Variants in PIAS2 observed in about 807,000 individuals in gnomAD.
The protein encoded by PIAS2 is E3 SUMO-protein ligase PIAS2.
In PIAS2, 19 loss-of-function variants were observed where a neutral mutation model predicts 69.7. The observed-to-expected ratio is 0.27, with a 90% confidence interval of 0.19 to 0.40. PIAS2 has a LOEUF of 0.40. Among genes scored for constraint, PIAS2 ranks in the 10% least tolerant of loss-of-function variants. The probability of loss-of-function intolerance (pLI) is 1.00; values close to 1 mark genes in which losing one functional copy is unlikely to be tolerated. For missense variants in PIAS2, 624 were observed against 757.0 expected (o/e 0.82, Z 2.06); for synonymous variants, 261 against 263.2 (o/e 0.99, Z 0.08).
intron 2 of PIAS2, among the ~76,000 whole-genome samples, chr18:46,864,977 A>C (rs1422085638): frequency 6.6e-6 from 1 of 152,156 alleles, no homozygotes; most frequent in Non-Finnish European, 1.5e-5. Flanking sequence ...AAACACTCAT[A>C]TAAGAAAATT....
At chr18:46,831,405 C>T (rs1362096787) in intron 9 of PIAS2, among the ~76,000 whole-genome samples, 1 of 152,102 alleles carries the variant, frequency 6.6e-6, no homozygotes, top group Non-Finnish European at 1.5e-5. Context: ...TCAGAAGACT[C>T]AATACTCTTA....
intron 10 of PIAS2, among the ~76,000 whole-genome samples, chr18:46,828,932 T>G (rs2043193699): frequency 6.6e-6 from 1 of 152,224 alleles, no homozygotes; most frequent in Non-Finnish European, 1.5e-5. Flanking sequence ...CCTTGGTCAC[T>G]GCACTCAGGT....
chr18:46,917,662 C>T (rs1365691862), upstream of PIAS2: 13 of 641,224 alleles, frequency 2.0e-5, no homozygotes, highest in Middle Eastern at 1.5e-3. Context: ...GCGGCTTGGC[C>T]CCGCTCGGCC....
intron 8 of PIAS2, among the ~76,000 whole-genome samples, chr18:46,843,401 C>T (rs1193499389): frequency 1.3e-5 from 2 of 152,194 alleles, no homozygotes; most frequent in East Asian, 1.9e-4. Flanking sequence ...CCAATTCATT[C>T]ACTGCTCCTG....
rs561267690 is a variant in PIAS2, at chr18:46,815,270, A to C, written c.1686+42T>G. ...ATTTTTAGTTAGTATGACATAACCAACAATCAAATACAAATTAGTTGCTTA... is the reference window on the plus strand; with the variant it reads ...ATTTTTAGTTAGTATGACATAACCACCAATCAAATACAAATTAGTTGCTTA... On this transcript the variant is annotated intron_variant, in intron 13 of 13. Coordinates refer to ENST00000585916, the MANE Select transcript of PIAS2 (RefSeq NM_004671.5). 3.6e-5 allele frequency: 56 copies of C among 1,556,806 alleles called. No homozygotes were observed. The South Asian group carries it at 4.6e-4, about 13-fold the overall frequency.
At chr18:46,854,830 C>T (rs1181969754) in intron 5 of PIAS2, among the ~76,000 whole-genome samples, 1 of 152,146 alleles carries the variant, frequency 6.6e-6, no homozygotes, top group Non-Finnish European at 1.5e-5. Context: ...TTCCCCATGC[C>T]ATCCACAGGC....
At chr18:46,906,213 G>C (rs1453007770) in intron 1 of PIAS2, 1 of 152,026 alleles carries the variant, frequency 6.6e-6, no homozygotes, top group Non-Finnish European at 1.5e-5. Context: ...CCTACAGCAA[G>C]CATCATACTT....
chr18:46,914,300 T>C (rs1437037765), intron 1 of PIAS2, among the ~76,000 whole-genome samples: 1 of 152,146 alleles, frequency 6.6e-6, no homozygotes, highest in African/African-American at 2.4e-5. Context: ...TTGTGTGCTT[T>C]GACTCTAAGC....
At chr18:46,849,585 G>A (rs2046665722) in intron 5 of PIAS2, among the ~76,000 whole-genome samples, 1 of 151,872 alleles carries the variant, frequency 6.6e-6, no homozygotes, top group South Asian at 2.1e-4. Flanking sequence ...AATTTTTTAT[G>A]TTTCATGCTC....
intron 12 of PIAS2, chr18:46,815,892 G>C: frequency 1.0e-6 from 1 of 985,432 alleles, no homozygotes; most frequent in Non-Finnish European, 1.2e-6. Context: ...GCGCTAACAG[G>C]GTTATCAAGG....
chr18:46,896,923 A>G (rs558189045), intron 1 of PIAS2, among the ~76,000 whole-genome samples: 2 of 152,372 alleles, frequency 1.3e-5, no homozygotes, highest in East Asian at 3.9e-4. Flanking sequence ...GTATTTATGT[A>G]TAAAATTATA....
At chr18:46,854,351 G>A (rs536268451) in intron 5 of PIAS2, among the ~76,000 whole-genome samples, 1 of 152,212 alleles carries the variant, frequency 6.6e-6, no homozygotes, top group Non-Finnish European at 1.5e-5. Flanking sequence ...GTTGCGAAGA[G>A]TGTCAGCTCT....
intron 9 of PIAS2, among the ~76,000 whole-genome samples, chr18:46,835,519 T>C (rs2044297060): frequency 6.6e-6 from 1 of 152,192 alleles, no homozygotes; most frequent in South Asian, 2.1e-4. Context: ...CTTGAATTCC[T>C]GGGCTCAAGT....
chr18:46,857,634 A>G (rs144923486), intron 3 of PIAS2, among the ~76,000 whole-genome samples: 8 of 152,354 alleles, frequency 5.3e-5, no homozygotes, highest in African/African-American at 1.9e-4. Context: ...AAGACAAGAC[A>G]TGAGCCTAGA....
intron 8 of PIAS2, among the ~76,000 whole-genome samples, chr18:46,841,182 G>A (rs55938990): frequency 0.077 from 11,729 of 152,174 alleles, 488 homozygotes; most frequent in African/African-American, 0.1. Context: ...ATCCTCTTCA[G>A]TAACTACTGT....
intron 12 of PIAS2, chr18:46,818,373 G>C (rs1331792918): frequency 6.5e-7 from 1 of 1,543,782 alleles, no homozygotes; most frequent in Non-Finnish European, 8.7e-7. Flanking sequence ...GTTTTATTTT[G>C]TATTCACTGT....
Position 46,890,658 on chromosome 18 carries a change from G to C in PIAS2, c.421C>G (p.Pro141Ala), listed in dbSNP as rs1776323359. Residue 141 changes from proline (P) to alanine (A), a missense_variant, in exon 2 of 14, where the codon CCT becomes GCT. Coordinates refer to ENST00000585916, the MANE Select transcript of PIAS2 (RefSeq NM_004671.5). ...EMQQPSPPIPPVHPDVQLKNL... is the reference protein window; with the variant it reads ...EMQQPSPPIPAVHPDVQLKNL... Reference sequence around the variant, plus strand: ...TTTAACTGCACATCAGGATGGACAGGAGGAATTGGGGGAGATGGCTGCTGC... The same window carrying C: ...TTTAACTGCACATCAGGATGGACAGCAGGAATTGGGGGAGATGGCTGCTGC... 6.2e-7 allele frequency: 1 copy of C among 1,614,048 alleles called. No homozygotes were observed. Among genetic ancestry groups the C allele is most frequent in the Non-Finnish European group, 8.5e-7 (1 of 1,180,026 alleles).
intron 11 of PIAS2, among the ~76,000 whole-genome samples, chr18:46,825,007 TAA>T (rs543217727): frequency 5.1e-5 from 7 of 138,554 alleles, no homozygotes; most frequent in African/African-American, 7.9e-5. Context: ...CTCAAAAAAT[TAA>T]AAAAAAAAAA....
At position 46,916,967 on chromosome 18, in the gene PIAS2, G is replaced by A. The variant is rs368078409; in HGVS notation, c.24+355C>T. Reference sequence around the variant, plus strand: ...CAGACACGTACACCCCGGTGAAGGTGCAAGATCAAACGTTGCTTCCCACAT... The same window carrying A: ...CAGACACGTACACCCCGGTGAAGGTACAAGATCAAACGTTGCTTCCCACAT... On this transcript the variant is annotated intron_variant, in intron 1 of 13. Transcript: ENST00000585916. 2.1e-5 allele frequency: 21 copies of A among 985,842 alleles called. No homozygotes were observed. In the East Asian group the frequency reaches 7.9e-4, roughly 37 times the overall value. 61.1% of individuals were successfully genotyped at this position (985,842 alleles called of 1,614,324 possible).
Sources: allele counts gnomAD v4.1 joint callset (sites outside exome capture counted in the v4.1 genomes callset), GRCh38; gene constraint gnomAD v4.1.1; transcripts MANE v1.5; gene names NCBI Gene and HGNC (gene_info 2026-07-23, HGNC 2026-07-21).